CLMP: variants seen among roughly 807,000 people sequenced by gnomAD.
CLMP encodes CXADR-like membrane protein.
CLMP carries 27 observed loss-of-function variants against 45.2 expected under a neutral mutation model. The observed-to-expected ratio is 0.60, with a 90% CI of 0.44 to 0.82. The LOEUF is 0.82. Among genes scored for constraint, CLMP ranks in the 40% least tolerant of loss-of-function variants. The pLI is 0.00. For synonymous variants in CLMP, 167 were observed against 171.4 expected (o/e 0.97, Z 0.20); for missense variants, 403 against 448.4 (o/e 0.90, Z 0.91).
rs142841013 is a variant in CLMP at position 123,135,168 on chromosome 11, G to A, written c.29-37216C>T. ...CCAGTTACTTGTGAGGCTGAGGCAGGAGAATGGCTTGAACCCGGGAGACAG... is the reference window on the plus strand; with the variant it reads ...CCAGTTACTTGTGAGGCTGAGGCAGAAGAATGGCTTGAACCCGGGAGACAG... On this transcript the variant is annotated intron_variant, in intron 1 of 6. Transcript: ENST00000448775. 8.2e-3 allele frequency among the ~76,000 whole-genome samples: 1,243 copies of A among 150,894 alleles called. 20 individuals are homozygous for A. The highest frequency in any genetic ancestry group is 0.034 in the South Asian group (162 of 4,770).
chr11:123,181,303 A>C (rs1052479728), intron 1 of CLMP, among the ~76,000 whole-genome samples: 1 of 152,140 alleles, frequency 6.6e-6, no homozygotes, highest in Non-Finnish European at 1.5e-5. Flanking sequence ...ACAATTTCAC[A>C]ACTGTCTCCA....
At chr11:123,162,820 T>C (rs1861504905) in intron 1 of CLMP, among the ~76,000 whole-genome samples, 1 of 151,518 alleles carries the variant, frequency 6.6e-6, no homozygotes, top group African/African-American at 2.4e-5. Flanking sequence ...GAGGATCACT[T>C]GAGCCCGGGA....
At chr11:123,188,917 C>T (rs554772712) in intron 1 of CLMP, 1 of 152,272 alleles carries the variant, frequency 6.6e-6, no homozygotes, top group South Asian at 2.1e-4. Context: ...GGACTTTAAG[C>T]AGAAAAAGCA....
Position 123,155,467 on chromosome 11 carries a change from A to T in CLMP, c.28+39446T>A, listed in dbSNP as rs190043389. Among the ~76,000 whole-genome samples the T allele has an allele frequency of 2.4e-3, 368 of 152,132 alleles. 3 individuals are homozygous for T. The highest frequency in any genetic ancestry group is 8.5e-3 in the African/African-American group (352 of 41,494). ...AGATGATTGCTAGTTGCGACACAGT[A>T]AATTCGTTCTCTCATTTGGTACTTA... On this transcript the variant is annotated intron_variant, in intron 1 of 6. Transcript: ENST00000448775.
chr11:123,181,221 C>T (rs1861764944), intron 1 of CLMP, among the ~76,000 whole-genome samples: 1 of 152,178 alleles, frequency 6.6e-6, no homozygotes, highest in Non-Finnish European at 1.5e-5. Flanking sequence ...CCCAACACCG[C>T]CACACAGCCT....
intron 1 of CLMP, among the ~76,000 whole-genome samples, chr11:123,109,330 C>A (rs1860605960): frequency 6.6e-6 from 1 of 152,146 alleles, no homozygotes; most frequent in South Asian, 2.1e-4. Context: ...TGCATGATCT[C>A]ATGTGAACCC....
At chr11:123,157,665 G>A (rs1049106831) in intron 1 of CLMP, among the ~76,000 whole-genome samples, 7 of 150,978 alleles carry the variant, frequency 4.6e-5, no homozygotes, top group Admixed American at 3.3e-4. Flanking sequence ...GGAGGCAGAG[G>A]TGGCAGTGAG....
chr11:123,077,791 G>C (rs1015926484), intron 5 of CLMP, among the ~76,000 whole-genome samples: 3 of 152,150 alleles, frequency 2.0e-5, no homozygotes, highest in African/African-American at 7.2e-5. Flanking sequence ...GGAAATTTAG[G>C]TCACTTTCAA....
At chr11:123,088,404 G>T (rs956989745) in intron 2 of CLMP, among the ~76,000 whole-genome samples, 12 of 152,140 alleles carry the variant, frequency 7.9e-5, no homozygotes, top group African/African-American at 2.9e-4. Context: ...CTTACTAGGT[G>T]CTCTGTTAAT....
intron 1 of CLMP, chr11:123,136,410 G>C (rs552102156): frequency 3.1e-4 from 147 of 472,824 alleles, no homozygotes; most frequent in African/African-American, 2.8e-3. Context: ...CCAGTTCTAG[G>C]GTGGTCCCCC....
At chr11:123,096,388 G>A (rs567577915) in intron 2 of CLMP, among the ~76,000 whole-genome samples, 52 of 152,144 alleles carry the variant, frequency 3.4e-4, no homozygotes, top group African/African-American at 1.3e-3. Flanking sequence ...GCCAGGCGTG[G>A]TGGTGCACGT....
At position 123,082,602 on chromosome 11, in the gene CLMP, G is replaced by GTT. The variant is rs72001163; in HGVS notation, c.679+481_679+482dup. ...AGGCATGAGCCGCCACGCTGGGCTG[G>GTT]TTTTTTTTGTGTGTGTTTTTTTTTT... On this transcript the variant is annotated intron_variant, in intron 5 of 6. Coordinates refer to ENST00000448775, the MANE Select transcript of CLMP (RefSeq NM_024769.5). 4.7e-3 allele frequency among the ~76,000 whole-genome samples: 668 copies of GTT among 141,312 alleles called. 5 individuals carry two copies. Among genetic ancestry groups the GTT allele is most frequent in the South Asian group, 9.3e-3 (42 of 4,522 alleles). The allele number at this position is 141,312 out of a possible 152,430, so 92.7% of individuals were successfully genotyped here.
chr11:123,143,604 A>C (rs1025475484), intron 1 of CLMP, among the ~76,000 whole-genome samples: 1 of 152,202 alleles, frequency 6.6e-6, no homozygotes, highest in African/African-American at 2.4e-5. Flanking sequence ...ACAACCACAA[A>C]GAACTCAATA....
chr11:123,124,464 A>G (rs975340950), intron 1 of CLMP, among the ~76,000 whole-genome samples: 32 of 152,224 alleles, frequency 2.1e-4, no homozygotes, highest in Admixed American at 1.3e-4. Flanking sequence ...AATTGAAATC[A>G]TTAGGTAGTT....
At chr11:123,102,527 C>A (rs1291186491) in intron 1 of CLMP, among the ~76,000 whole-genome samples, 1 of 151,456 alleles carries the variant, frequency 6.6e-6, no homozygotes, top group Admixed American at 6.6e-5. Flanking sequence ...GATCCGCCCA[C>A]CTCGGCCTCC....
At chr11:123,184,862 C>T (rs1458771287) in intron 1 of CLMP, among the ~76,000 whole-genome samples, 3 of 152,224 alleles carry the variant, frequency 2.0e-5, no homozygotes, top group Admixed American at 1.3e-4. Context: ...GCCAGCCGCT[C>T]ACCGGGCTTG....
chr11:123,076,620 G>A (rs1865743371), intron 5 of CLMP, among the ~76,000 whole-genome samples: 1 of 152,112 alleles, frequency 6.6e-6, no homozygotes, highest in South Asian at 2.1e-4. Context: ...GAGCATTCCA[G>A]GCAGAAAACA....
chr11:123,129,653 A>G (rs146096824), intron 1 of CLMP, among the ~76,000 whole-genome samples: 16,861 of 141,872 alleles, frequency 0.12, 1,153 homozygotes, highest in African/African-American at 0.17. Context: ...TATATAGTTC[A>G]GTATATAAAT....
chr11:123,147,509 C>T (rs532690786), intron 1 of CLMP, among the ~76,000 whole-genome samples: 12 of 152,250 alleles, frequency 7.9e-5, no homozygotes, highest in African/African-American at 2.9e-4. Context: ...AACATGTGGG[C>T]TGAAGTGATC....
Sources: gnomAD v4.1 joint callset for allele counts (sites outside exome capture counted in the v4.1 genomes callset) on GRCh38, gnomAD v4.1.1 for gene constraint, MANE v1.5 for transcripts, NCBI Gene and HGNC (gene_info 2026-07-23, HGNC 2026-07-21) for gene names.